SETBP1: variants seen among roughly 807,000 people sequenced by gnomAD.
SETBP1 encodes SET binding protein 1.
Under a neutral mutation model 101.0 loss-of-function variants are expected in SETBP1, and 9 were observed. That is an observed-to-expected ratio of 0.09 (90% confidence interval 0.05 to 0.16). SETBP1 has a LOEUF of 0.16. Ranked by LOEUF, SETBP1 falls within the 10% of genes least tolerant of loss-of-function variation. The pLI is 1.00. For missense variants in SETBP1, 1,858 were observed against 2,033.8 expected, an observed-to-expected ratio of 0.91 and a Z score of 1.66; for synonymous variants, 818 against 788.5, an observed-to-expected ratio of 1.04 and a Z score of -0.63.
chr18:45,016,731 G>GCACACACACACACA (rs60965207), intron 4 of SETBP1, among the ~76,000 whole-genome samples: 1 of 122,752 alleles, frequency 8.1e-6, no homozygotes, highest in South Asian at 3.0e-4. Flanking sequence ...ATTGGTGCGC[G>GCACACACACACACA]CACACACACA....
intron 3 of SETBP1, among the ~76,000 whole-genome samples, chr18:44,913,238 A>G (rs893170285): frequency 1.3e-5 from 2 of 152,250 alleles, no homozygotes; most frequent in African/African-American, 4.8e-5. Context: ...GTCTCGGGCA[A>G]GACAGAAGTT....
intron 3 of SETBP1, among the ~76,000 whole-genome samples, chr18:44,877,885 A>G (rs952408577): frequency 3.9e-5 from 6 of 152,130 alleles, no homozygotes; most frequent in Admixed American, 2.6e-4. Context: ...CTCCTGGGAT[A>G]CTAAATCTCT....
At position 45,062,906 on chromosome 18, in the gene SETBP1, T is replaced by G. The variant is rs552213741; in HGVS notation, c.4172-173T>G. 2.8e-4 allele frequency among the ~76,000 whole-genome samples: 43 copies of G among 152,178 alleles called. No homozygotes were observed. The South Asian group carries it at 8.3e-3, about 29-fold the overall frequency. ...ACAGTGAATATTTGAGAAATGTTTG[T>G]TTTTATTTTAATAAAGAAAAAGGAA... On this transcript the variant is annotated intron_variant, in intron 5 of 5. Transcript: ENST00000649279.
At chr18:45,061,421 T>C (rs2073888874) in intron 5 of SETBP1, among the ~76,000 whole-genome samples, 1 of 152,204 alleles carries the variant, frequency 6.6e-6, no homozygotes, top group Non-Finnish European at 1.5e-5. Flanking sequence ...CAAAACTAAC[T>C]ACAAAAATTT....
At chr18:44,791,818 C>T (rs1374430340) in intron 2 of SETBP1, among the ~76,000 whole-genome samples, 1 of 152,128 alleles carries the variant, frequency 6.6e-6, no homozygotes, top group African/African-American at 2.4e-5. Flanking sequence ...AATTTTGGCT[C>T]AAGTCTTGAA....
rs140473398 is a variant in SETBP1, at chr18:45,006,677, A to G, written c.4001-31808A>G. ...TTCTCTTCTTATAAGAACAACAGTC[A>G]TATCAGATTAGGGCCCACCCTAAAG... On this transcript the variant is annotated intron_variant, in intron 4 of 5. Coordinates refer to ENST00000649279, the MANE Select transcript of SETBP1 (RefSeq NM_015559.3). 6.6e-5 allele frequency among the ~76,000 whole-genome samples: 10 copies of G among 152,314 alleles called. No homozygotes were observed. The East Asian group carries it at 1.7e-3, about 26-fold the overall frequency.
intron 3 of SETBP1, among the ~76,000 whole-genome samples, chr18:44,901,794 A>C (rs2070052281): frequency 6.6e-6 from 1 of 152,240 alleles, no homozygotes; most frequent in African/African-American, 2.4e-5. Context: ...GACCAGTTAG[A>C]AATATTACCC....
At chr18:44,752,160 C>A (rs1200149261) in intron 2 of SETBP1, among the ~76,000 whole-genome samples, 5 of 152,176 alleles carry the variant, frequency 3.3e-5, no homozygotes, top group African/African-American at 1.2e-4. Context: ...AGTGAAAGAA[C>A]AATCCACGTT....
At chr18:44,997,057 G>A (rs559713564) in intron 4 of SETBP1, among the ~76,000 whole-genome samples, 1 of 152,186 alleles carries the variant, frequency 6.6e-6, no homozygotes, top group Non-Finnish European at 1.5e-5. Context: ...AATCAGGGAT[G>A]AGGAGAACAT....
chr18:44,833,832 C>T (rs1225858432), intron 2 of SETBP1, among the ~76,000 whole-genome samples: 1 of 152,218 alleles, frequency 6.6e-6, no homozygotes, highest in South Asian at 2.1e-4. Context: ...TTTTAAATTA[C>T]AAGATTTGCC....
At chr18:44,771,618 TGAG>T (rs1328858603) in intron 2 of SETBP1, among the ~76,000 whole-genome samples, 1 of 152,060 alleles carries the variant, frequency 6.6e-6, no homozygotes, top group Non-Finnish European at 1.5e-5. Context: ...ACACCCACGG[TGAG>T]GAGGACATGT....
chr18:44,767,414 A>G (rs548369785), intron 2 of SETBP1, among the ~76,000 whole-genome samples: 1 of 152,374 alleles, frequency 6.6e-6, no homozygotes, highest in Admixed American at 6.5e-5. Flanking sequence ...CCAACTTATT[A>G]GAAAACTATT....
intron 1 of SETBP1, among the ~76,000 whole-genome samples, chr18:44,691,646 T>C (rs2068936003): frequency 2.0e-5 from 3 of 152,164 alleles, no homozygotes; most frequent in South Asian, 2.1e-4. Context: ...TTCCTTATCA[T>C]AGAGATCCCT....
intron 4 of SETBP1, among the ~76,000 whole-genome samples, chr18:44,995,633 T>C (rs1445837185): frequency 6.6e-6 from 1 of 151,380 alleles, no homozygotes; most frequent in Non-Finnish European, 1.5e-5. Flanking sequence ...CTGCTAGTAA[T>C]TCGTAAAGAA....
intron 4 of SETBP1, among the ~76,000 whole-genome samples, chr18:45,001,760 T>C (rs1331328607): frequency 1.3e-5 from 2 of 152,138 alleles, no homozygotes; most frequent in Non-Finnish European, 2.9e-5. Context: ...CATACCAAGA[T>C]GCCACAACCA....
intron 2 of SETBP1, among the ~76,000 whole-genome samples, chr18:44,766,794 A>G (rs1195998967): frequency 6.6e-6 from 1 of 152,216 alleles, no homozygotes; most frequent in Non-Finnish European, 1.5e-5. Flanking sequence ...CAACATAGCA[A>G]GACCCTGTCT....
At chr18:44,801,239 C>A (rs1294505640) in intron 2 of SETBP1, among the ~76,000 whole-genome samples, 1 of 151,840 alleles carries the variant, frequency 6.6e-6, no homozygotes, top group African/African-American at 2.4e-5. Context: ...ATGTAACAAA[C>A]CTGCACATTG....
chr18:44,943,317 A>G (rs2071127184), intron 3 of SETBP1, among the ~76,000 whole-genome samples: 1 of 152,234 alleles, frequency 6.6e-6, no homozygotes, highest in Non-Finnish European at 1.5e-5. Flanking sequence ...GTTAAAAGGA[A>G]GGTCTGAAAC....
chr18:44,973,532 T>A (rs1008849605), intron 4 of SETBP1, among the ~76,000 whole-genome samples: 2 of 152,200 alleles, frequency 1.3e-5, no homozygotes, highest in Non-Finnish European at 2.9e-5. Context: ...GGCACTGTGA[T>A]GTCTTTGATG....
Sources: gnomAD v4.1 joint callset for allele counts (sites outside exome capture counted in the v4.1 genomes callset) on GRCh38, gnomAD v4.1.1 for gene constraint, MANE v1.5 for transcripts, NCBI Gene and HGNC (gene_info 2026-07-23, HGNC 2026-07-21) for gene names.